OPCML: variants seen among roughly 807,000 people sequenced by gnomAD.
OPCML encodes opioid-binding protein/cell adhesion molecule.
Under a neutral mutation model 37.8 loss-of-function variants are expected in OPCML, and 13 were observed. The ratio of observed to expected loss-of-function variants is 0.34; its 90% CI spans 0.22 to 0.55. OPCML has a LOEUF of 0.55. Among genes scored for constraint, OPCML ranks in the 20% least tolerant of loss-of-function variants. OPCML has a pLI of 0.91. For synonymous variants in OPCML, 176 were observed against 168.8 expected, an observed-to-expected ratio of 1.04 and a Z score of -0.33; for missense variants, 341 against 435.6, an observed-to-expected ratio of 0.78 and a Z score of 1.93.
intron 2 of OPCML, among the ~76,000 whole-genome samples, chr11:132,734,087 A>G (rs1945173518): frequency 1.3e-5 from 2 of 152,216 alleles, no homozygotes. Context: ...GACTAGATAC[A>G]ATAACCTATC....
intron 1 of OPCML, among the ~76,000 whole-genome samples, chr11:133,467,800 A>G (rs376380555): frequency 6.6e-5 from 10 of 152,206 alleles, no homozygotes; most frequent in South Asian, 2.1e-4. Flanking sequence ...CAATTGCTCA[A>G]TGAATTCCCT....
chr11:132,779,815 T>C (rs1946937560), intron 2 of OPCML, among the ~76,000 whole-genome samples: 1 of 152,194 alleles, frequency 6.6e-6, no homozygotes, highest in African/African-American at 2.4e-5. Context: ...AAAGGGATAC[T>C]TTAGATTAAG....
chr11:133,292,109 G>A (rs900488167), intron 1 of OPCML, among the ~76,000 whole-genome samples: 8 of 152,282 alleles, frequency 5.3e-5, no homozygotes, highest in African/African-American at 1.4e-4. Context: ...ACAAAGCCCC[G>A]TGCTGGCTGG....
intron 1 of OPCML, among the ~76,000 whole-genome samples, chr11:133,291,342 T>G (rs1405176866): frequency 2.0e-5 from 3 of 152,228 alleles, no homozygotes; most frequent in Non-Finnish European, 2.9e-5. Flanking sequence ...GAAGAGCTGT[T>G]GGCATAGGTG....
At chr11:132,677,800 C>T (rs901148324) in intron 2 of OPCML, among the ~76,000 whole-genome samples, 2 of 152,062 alleles carry the variant, frequency 1.3e-5, no homozygotes, top group African/African-American at 2.4e-5. Flanking sequence ...TTCTAAATCT[C>T]CTGGATAAAA....
chr11:132,703,018 C>T (rs929745865), intron 2 of OPCML, among the ~76,000 whole-genome samples: 4 of 152,024 alleles, frequency 2.6e-5, no homozygotes, highest in South Asian at 4.2e-4. Flanking sequence ...TCTTTAAAGA[C>T]AATTATTTTA....
intron 1 of OPCML, among the ~76,000 whole-genome samples, chr11:133,354,625 G>T (rs1162729891): frequency 4.6e-5 from 7 of 152,112 alleles, no homozygotes; most frequent in Non-Finnish European, 1.0e-4. Context: ...GTAACTGGAA[G>T]TAATAACAGC....
intron 1 of OPCML, among the ~76,000 whole-genome samples, chr11:133,514,736 T>C (rs1948227643): frequency 6.6e-6 from 1 of 152,214 alleles, no homozygotes; most frequent in Admixed American, 6.5e-5. Flanking sequence ...TTTTAAATAC[T>C]GCCTTTTAGT....
At chr11:132,735,897 G>A (rs1345814897) in intron 2 of OPCML, among the ~76,000 whole-genome samples, 2 of 152,076 alleles carry the variant, frequency 1.3e-5, no homozygotes, top group Non-Finnish European at 2.9e-5. Flanking sequence ...GAAGCAGCTG[G>A]AAAAAGAAAC....
At chr11:132,810,502 C>G (rs954490570) in intron 2 of OPCML, among the ~76,000 whole-genome samples, 1 of 152,090 alleles carries the variant, frequency 6.6e-6, no homozygotes, top group Non-Finnish European at 1.5e-5. Flanking sequence ...ACTAGCCTGA[C>G]CAACATGGTG....
intron 1 of OPCML, among the ~76,000 whole-genome samples, chr11:133,378,553 T>G (rs963947430): frequency 1.3e-5 from 2 of 152,202 alleles, no homozygotes; most frequent in African/African-American, 4.8e-5. Context: ...TATTTTTACT[T>G]CTACTGACTT....
chr11:132,722,692 G>T lies in OPCML; in HGVS notation c.147-65373C>A, dbSNP rs1591517374. Among the ~76,000 whole-genome samples the T allele has an allele frequency of 2.0e-5, 3 of 152,176 alleles. No homozygotes were observed. In the South Asian group the frequency reaches 6.2e-4, roughly 32 times the overall value. ...ATGTCTCCTTATTATTTATCAAGAG[G>T]CATTAGCAGTAGGAGGGAGACCCGT... On this transcript the variant is annotated intron_variant, in intron 2 of 7. Transcript: ENST00000524381.
chr11:133,183,574 C>T (rs926050229), intron 1 of OPCML, among the ~76,000 whole-genome samples: 1 of 152,190 alleles, frequency 6.6e-6, no homozygotes, highest in African/African-American at 2.4e-5. Flanking sequence ...TCCTCTTCCA[C>T]TCATTTATTA....
At position 133,308,778 on chromosome 11, in the gene OPCML, G is replaced by A. The variant is rs185067173; in HGVS notation, c.61+223486C>T. Reference sequence around the variant, plus strand: ...AGTTCAGGATTAAGAATGGAAAAATGTGAGTCTGTAGCACATTTTGGTGCT... The same window carrying A: ...AGTTCAGGATTAAGAATGGAAAAATATGAGTCTGTAGCACATTTTGGTGCT... On this transcript the variant is annotated intron_variant, in intron 1 of 7. Transcript: ENST00000524381. Among the ~76,000 whole-genome samples the A allele has an allele frequency of 3.3e-4, 50 of 152,280 alleles. 1 individual carries two copies. Among genetic ancestry groups the A allele is most frequent in the Middle Eastern group, 6.8e-3 (2 of 294 alleles).
chr11:132,568,449 T>C (rs2096429502), intron 3 of OPCML, among the ~76,000 whole-genome samples: 1 of 152,218 alleles, frequency 6.6e-6, no homozygotes, highest in Non-Finnish European at 1.5e-5. Flanking sequence ...AAACAGGGTC[T>C]TTGCAGACAT....
chr11:132,461,432 G>T (rs1242696212), intron 4 of OPCML, among the ~76,000 whole-genome samples: 5 of 152,168 alleles, frequency 3.3e-5, no homozygotes, highest in Non-Finnish European at 7.4e-5. Context: ...AAATGGTGGT[G>T]CATCCAGAAA....
intron 1 of OPCML, among the ~76,000 whole-genome samples, chr11:133,379,805 A>G (rs1490784690): frequency 6.6e-6 from 1 of 152,240 alleles, no homozygotes; most frequent in Non-Finnish European, 1.5e-5. Flanking sequence ...CAATAACATT[A>G]AAGGCTCCAA....
intron 1 of OPCML, among the ~76,000 whole-genome samples, chr11:133,480,858 A>T (rs1265846009): frequency 6.6e-6 from 1 of 152,230 alleles, no homozygotes; most frequent in African/African-American, 2.4e-5. Context: ...TTGATACAAT[A>T]CTGAATGGGA....
At chr11:132,658,219 C>T (rs1208098620) in intron 2 of OPCML, among the ~76,000 whole-genome samples, 2 of 152,224 alleles carry the variant, frequency 1.3e-5, no homozygotes, top group African/African-American at 4.8e-5. Flanking sequence ...GCACACCCAT[C>T]ACTCCATGCT....
Sources: allele counts gnomAD v4.1 joint callset (sites outside exome capture counted in the v4.1 genomes callset), GRCh38; gene constraint gnomAD v4.1.1; transcripts MANE v1.5; gene names NCBI Gene and HGNC (gene_info 2026-07-23, HGNC 2026-07-21).